The following CNTN5 variants were observed in gnomAD, a reference collection of about 807,000 sequenced individuals.
The protein encoded by CNTN5 is contactin 5, also known as contactin-5.
In CNTN5, 77 loss-of-function variants were observed where a neutral mutation model predicts 129.1. The observed-to-expected ratio is 0.60, with a 90% CI of 0.50 to 0.72. The LOEUF (loss-of-function observed/expected upper bound fraction) is 0.72, where lower values mean the gene tolerates loss of function less well. Among genes scored for constraint, CNTN5 ranks in the 30% least tolerant of loss-of-function variants. The pLI, the probability that CNTN5 is intolerant of heterozygous loss-of-function variation, is 0.00. For synonymous variants in CNTN5, 509 were observed against 465.6 expected (o/e 1.09, Z -1.20); for missense variants, 1,478 against 1,328.8 (o/e 1.11, Z -1.75).
intron 3 of CNTN5, among the ~76,000 whole-genome samples, chr11:99,676,393 C>A (rs887177941): frequency 4.6e-5 from 7 of 152,132 alleles, no homozygotes; most frequent in African/African-American, 1.7e-4. Context: ...TGATAAAAAG[C>A]TAAAACTAAC....
intron 4 of CNTN5, among the ~76,000 whole-genome samples, chr11:99,821,982 T>C (rs78464513): frequency 0.035 from 5,320 of 152,328 alleles, 136 homozygotes; most frequent in South Asian, 0.097. Flanking sequence ...CTGAGCATTT[T>C]ATAAATCTTA....
intron 3 of CNTN5, among the ~76,000 whole-genome samples, chr11:99,770,866 A>G (rs535731295): frequency 6.6e-6 from 1 of 152,260 alleles, no homozygotes; most frequent in Admixed American, 6.5e-5. Context: ...TTGAGAAAAA[A>G]GAGCAAAGCT....
chr11:99,593,711 C>T (rs1473859647), intron 3 of CNTN5, among the ~76,000 whole-genome samples: 3 of 152,176 alleles, frequency 2.0e-5, no homozygotes, highest in African/African-American at 7.2e-5. Context: ...AAAATCCCAC[C>T]ATTTAAAAGC....
At chr11:99,130,239 T>C (rs1051925555) in intron 1 of CNTN5, among the ~76,000 whole-genome samples, 4 of 152,070 alleles carry the variant, frequency 2.6e-5, no homozygotes, top group African/African-American at 9.7e-5. Flanking sequence ...CAGAGATACA[T>C]ATAGGCTCAA....
chr11:99,431,536 A>G (rs887343739), intron 2 of CNTN5, among the ~76,000 whole-genome samples: 1 of 152,146 alleles, frequency 6.6e-6, no homozygotes, highest in African/African-American at 2.4e-5. Flanking sequence ...GGAGGGGGGA[A>G]ACTCCCAGAT....
Position 99,250,255 on chromosome 11 carries a change from T to C in CNTN5, c.-209-75091T>C, listed in dbSNP as rs188705395. Among the ~76,000 whole-genome samples the C allele has an allele frequency of 1.8e-3, 267 of 152,128 alleles. 1 individual carries two copies. Among genetic ancestry groups the C allele is most frequent in the African/African-American group, 6.2e-3 (256 of 41,560 alleles). ...TTCAGCACTGCCTGCATGACAAGCC[T>C]ATTGCACTTAACAGAGATCACTTTA... On this transcript the variant is annotated intron_variant, in intron 1 of 24. Transcript: ENST00000524871.
intron 3 of CNTN5, among the ~76,000 whole-genome samples, chr11:99,817,140 A>C (rs2135542779): frequency 6.6e-6 from 1 of 152,260 alleles, no homozygotes; most frequent in African/African-American, 2.4e-5. Context: ...TAGCTCCTTG[A>C]GGGCTAGGGC....
chr11:99,246,923 T>A (rs10444320), intron 1 of CNTN5, among the ~76,000 whole-genome samples: 19,135 of 152,174 alleles, frequency 0.13, 1,462 homozygotes, highest in Middle Eastern at 0.24. Flanking sequence ...AAAATATTAA[T>A]CCATATAATT....
intron 1 of CNTN5, among the ~76,000 whole-genome samples, chr11:99,224,275 A>T (rs552801692): frequency 6.6e-6 from 1 of 152,324 alleles, no homozygotes; most frequent in South Asian, 2.1e-4. Flanking sequence ...TTATACCAGC[A>T]TTATGCAAAT....
At chr11:100,039,334 A>C (rs957715466) in intron 9 of CNTN5, among the ~76,000 whole-genome samples, 7 of 152,148 alleles carry the variant, frequency 4.6e-5, no homozygotes, top group Non-Finnish European at 8.8e-5. Context: ...CTGCCCAGAG[A>C]TCAGCTGTTT....
rs527794758 is a variant in CNTN5, at chr11:100,230,635, A to T, written c.2005+5823A>T. On this transcript the variant is annotated intron_variant, in intron 16 of 24. Coordinates refer to ENST00000524871, the MANE Select transcript of CNTN5 (RefSeq NM_014361.4). ...AAATATGAAATGAGCAAACAGATGA[A>T]TTGTCATTGCACACAGACAACCAAT... is the stretch of plus-strand genomic sequence containing the variant. 5.3e-5 allele frequency among the ~76,000 whole-genome samples: 8 copies of T among 152,324 alleles called. 1 individual carries two copies. In the South Asian group the frequency reaches 1.7e-3, roughly 32 times the overall value.
chr11:99,436,166 T>A (rs1943592202), intron 2 of CNTN5, among the ~76,000 whole-genome samples: 2 of 152,154 alleles, frequency 1.3e-5, no homozygotes, highest in Non-Finnish European at 2.9e-5. Context: ...TCCAATTGAC[T>A]GTAGTGGTGG....
At chr11:99,803,190 G>T (rs1163158092) in intron 3 of CNTN5, among the ~76,000 whole-genome samples, 1 of 151,958 alleles carries the variant, frequency 6.6e-6, no homozygotes, top group Non-Finnish European at 1.5e-5. Flanking sequence ...AGATCTTCCT[G>T]AGCATGGAGT....
chr11:99,403,450 T>C (rs1941922852), intron 2 of CNTN5, among the ~76,000 whole-genome samples: 1 of 152,136 alleles, frequency 6.6e-6, no homozygotes. Context: ...CATTGGGAGA[T>C]TGTTATTTGA....
chr11:99,779,370 T>C (rs1387816224), intron 3 of CNTN5, among the ~76,000 whole-genome samples: 1 of 152,020 alleles, frequency 6.6e-6, no homozygotes, highest in Non-Finnish European at 1.5e-5. Flanking sequence ...GTTATAAAAT[T>C]TGACTCTCTT....
intron 3 of CNTN5, among the ~76,000 whole-genome samples, chr11:99,629,420 A>G (rs1291865008): frequency 1.3e-5 from 2 of 152,046 alleles, no homozygotes; most frequent in African/African-American, 4.8e-5. Context: ...CTTCTGGAAC[A>G]GACATTTTCT....
chr11:100,140,971 G>A (rs527485536), intron 13 of CNTN5, among the ~76,000 whole-genome samples: 10 of 152,268 alleles, frequency 6.6e-5, no homozygotes, highest in Admixed American at 1.3e-4. Context: ...GGGCATGAGC[G>A]TTGTACAGAA....
chr11:99,229,080 T>C (rs1860843108), intron 1 of CNTN5, among the ~76,000 whole-genome samples: 1 of 152,090 alleles, frequency 6.6e-6, no homozygotes, highest in South Asian at 2.1e-4. Context: ...TATTATACTA[T>C]ACATGTTAAT....
At chr11:99,037,025 T>G (rs781414596) in intron 1 of CNTN5, among the ~76,000 whole-genome samples, 2 of 152,230 alleles carry the variant, frequency 1.3e-5, no homozygotes, top group Non-Finnish European at 2.9e-5. Flanking sequence ...TAGAGATGTT[T>G]GTACAAATAC....
Sources: allele counts gnomAD v4.1 joint callset (sites outside exome capture counted in the v4.1 genomes callset), GRCh38; gene constraint gnomAD v4.1.1; transcripts MANE v1.5; gene names NCBI Gene and HGNC (gene_info 2026-07-23, HGNC 2026-07-21).